PLEKHG1: variants seen among roughly 807,000 people sequenced by gnomAD.
PLEKHG1 encodes pleckstrin homology and RhoGEF domain containing G1.
PLEKHG1 carries 44 observed loss-of-function variants against 100.8 expected under a neutral mutation model. That is an observed-to-expected ratio of 0.44 (90% CI 0.34 to 0.56). PLEKHG1 has a LOEUF of 0.56. Among genes scored for constraint, PLEKHG1 ranks in the 20% least tolerant of loss-of-function variants. The pLI, the probability that PLEKHG1 is intolerant of heterozygous loss-of-function variation, is 0.01. For missense variants in PLEKHG1, 1,545 were observed against 1,720.9 expected, an observed-to-expected ratio of 0.90 and a Z score of 1.81; for synonymous variants, 640 against 662.5, an observed-to-expected ratio of 0.97 and a Z score of 0.52.
chr6:150,828,117 A>G (rs956560859), intron 14 of PLEKHG1: 7 of 1,613,236 alleles, frequency 4.3e-6, no homozygotes, highest in Admixed American at 1.7e-5. Context: ...AGCCATTTCA[A>G]CAACCTGCAT....
chr6:150,654,991 G>C (rs1474744356), intron 3 of PLEKHG1, among the ~76,000 whole-genome samples: 1 of 152,168 alleles, frequency 6.6e-6, no homozygotes, highest in African/African-American at 2.4e-5. Flanking sequence ...TGGCTTGGTG[G>C]TGTTATGAAA....
At chr6:150,613,770 CCTT>C (rs1776949594) in intron 1 of PLEKHG1, among the ~76,000 whole-genome samples, 1 of 152,206 alleles carries the variant, frequency 6.6e-6, no homozygotes, top group Non-Finnish European at 1.5e-5. Context: ...TCAGGTTACT[CCTT>C]CTTACTGTGC....
chr6:150,798,922 GGA>G (rs1020061601), intron 5 of PLEKHG1, among the ~76,000 whole-genome samples: 4 of 152,082 alleles, frequency 2.6e-5, no homozygotes, highest in African/African-American at 9.7e-5. Context: ...TGTATTTTTA[GGA>G]GAGAGGGGGT....
Position 150,831,164 on chromosome 6 carries a change from A to G in PLEKHG1, c.2053A>G (p.Lys685Glu), listed in dbSNP as rs757438678. 4.3e-6 allele frequency: 7 copies of G among 1,613,864 alleles called. No individual in the cohort carries two copies. The highest frequency in any genetic ancestry group is 5.9e-6 in the Non-Finnish European group (7 of 1,179,916). The change falls in exon 15 of 16, where the codon AAA becomes GAA. Residue 685 changes from lysine (K) to glutamate (E), a missense_variant. By Grantham distance (56) the Lys-to-Glu change is moderately conservative. Coordinates refer to ENST00000358517, the Ensembl canonical transcript of PLEKHG1. This position sits in a 1 kb window ranked among gnomAD's most constrained non-coding sequence, Gnocchi z 4.1. Reference sequence around the variant, plus strand: ...GGAAGAAGCTGAATCCACTCCCTCTAAATCAGCCAGGGACTCCGTTCGCCC... The same window carrying G: ...GGAAGAAGCTGAATCCACTCCCTCTGAATCAGCCAGGGACTCCGTTCGCCC...
At chr6:150,707,082 G>A (rs1382068885) in intron 3 of PLEKHG1, among the ~76,000 whole-genome samples, 2 of 131,620 alleles carry the variant, frequency 1.5e-5, no homozygotes, top group Admixed American at 1.9e-4. Context: ...TCGGCTACCT[G>A]CAACCTCTGC....
intron 11 of PLEKHG1, among the ~76,000 whole-genome samples, chr6:150,819,030 C>G (rs559154340): frequency 6.6e-6 from 1 of 152,140 alleles, no homozygotes; most frequent in Admixed American, 6.5e-5. Flanking sequence ...CCAACAGACC[C>G]GAGAAATGAT....
chr6:150,802,558 G>GA (rs1300310489), intron 6 of PLEKHG1, among the ~76,000 whole-genome samples: 4 of 150,500 alleles, frequency 2.7e-5, no homozygotes, highest in African/African-American at 9.7e-5. Context: ...TGGCAATGAA[G>GA]AAAAAAAACA....
chr6:150,657,212 T>C (rs2128578038), intron 3 of PLEKHG1, among the ~76,000 whole-genome samples: 1 of 152,278 alleles, frequency 6.6e-6, no homozygotes, highest in Admixed American at 6.5e-5. Flanking sequence ...GAAGTTGTTA[T>C]TGATAACTTC....
At chr6:150,783,745 T>C (rs759918866) in intron 3 of PLEKHG1, among the ~76,000 whole-genome samples, 2 of 152,206 alleles carry the variant, frequency 1.3e-5, no homozygotes, top group African/African-American at 2.4e-5. Flanking sequence ...GAAAAAGCTT[T>C]TTTGTTTATG....
intron 1 of PLEKHG1, among the ~76,000 whole-genome samples, chr6:150,632,179 G>C (rs1031204608): frequency 6.6e-6 from 1 of 152,210 alleles, no homozygotes; most frequent in South Asian, 2.1e-4. Context: ...ACACGAAATT[G>C]TTTAATCTCC....
chr6:150,755,530 G>T (rs922885336), intron 2 of PLEKHG1, among the ~76,000 whole-genome samples: 2 of 152,106 alleles, frequency 1.3e-5, no homozygotes, highest in African/African-American at 4.8e-5. Flanking sequence ...GGACCTAGAC[G>T]GCCACACAGC....
chr6:150,611,240 C>A (rs1314767756), intron 1 of PLEKHG1, among the ~76,000 whole-genome samples: 1 of 152,154 alleles, frequency 6.6e-6, no homozygotes, highest in Non-Finnish European at 1.5e-5. Flanking sequence ...TGAATGAAAA[C>A]CTTACTTCTG....
intron 2 of PLEKHG1, among the ~76,000 whole-genome samples, chr6:150,646,009 T>C (rs1778479247): frequency 6.6e-6 from 1 of 152,190 alleles, no homozygotes; most frequent in Admixed American, 6.5e-5. Flanking sequence ...CATATAAATA[T>C]ACCACAAGTT....
At chr6:150,826,971 TCTTC>T (rs1562557517) in intron 14 of PLEKHG1, among the ~76,000 whole-genome samples, 1 of 151,880 alleles carries the variant, frequency 6.6e-6, no homozygotes, top group East Asian at 1.9e-4. Flanking sequence ...TCTGTTTCTT[TCTTC>T]CTTCCTTTCC....
At chr6:150,651,666 C>A (rs1778742478) in intron 3 of PLEKHG1, among the ~76,000 whole-genome samples, 1 of 151,792 alleles carries the variant, frequency 6.6e-6, no homozygotes, top group African/African-American at 2.4e-5. Flanking sequence ...CGAGACCAGC[C>A]TGGCCGACAC....
intron 3 of PLEKHG1, among the ~76,000 whole-genome samples, chr6:150,677,307 C>T (rs1016394917): frequency 1.2e-4 from 17 of 144,242 alleles, no homozygotes; most frequent in Admixed American, 2.8e-4. Context: ...CACACACGCG[C>T]GCGCGCACAC....
intron 7 of PLEKHG1, 93 bp downstream of exon 8, chr6:150,804,834 C>A: frequency 8.7e-7 from 1 of 1,147,494 alleles, no homozygotes; most frequent in Non-Finnish European, 1.3e-6. Context: ...AAGTACTGCA[C>A]TACACTCATC....
At chr6:150,760,910 A>G (rs1436587081) in intron 2 of PLEKHG1, among the ~76,000 whole-genome samples, 1 of 152,086 alleles carries the variant, frequency 6.6e-6, no homozygotes, top group Admixed American at 6.5e-5. Context: ...AAGGCCTCTT[A>G]TAAGGACTTT....
At chr6:150,666,170 T>C (rs548550267) in intron 3 of PLEKHG1, among the ~76,000 whole-genome samples, 2 of 152,346 alleles carry the variant, frequency 1.3e-5, no homozygotes, top group African/African-American at 4.8e-5. Context: ...TCTATAAATA[T>C]AATGCAGCTT....
Sources: allele counts gnomAD v4.1 joint callset (sites outside exome capture counted in the v4.1 genomes callset), GRCh38; gene constraint gnomAD v4.1.1; non-coding constraint Gnocchi (gnomAD v3.1); transcripts MANE v1.5; gene names NCBI Gene and HGNC (gene_info 2026-07-23, HGNC 2026-07-21).